Variants in LCP1 observed in about 807,000 individuals in gnomAD.
The protein encoded by LCP1 is lymphocyte cytosolic protein 1, also known as plastin-2.
A neutral mutation model predicts 72.0 loss-of-function variants in LCP1; 23 were observed. The observed-to-expected ratio is 0.32, with a 90% confidence interval of 0.23 to 0.45. LCP1 has a LOEUF of 0.45. Ranked by LOEUF, LCP1 falls within the 20% of genes least tolerant of loss-of-function variation. The pLI, the probability that LCP1 is intolerant of heterozygous loss-of-function variation, is 1.00. For synonymous variants in LCP1, 245 were observed against 275.4 expected (o/e 0.89, Z 1.09); for missense variants, 571 against 748.3 (o/e 0.76, Z 2.76).
chr13:46,133,186 T>C (rs1288719197), intron 14 of LCP1, among the ~76,000 whole-genome samples: 1 of 152,226 alleles, frequency 6.6e-6, no homozygotes, highest in Non-Finnish European at 1.5e-5. Context: ...GTCACCATTA[T>C]AATATTAATC....
At chr13:46,142,747 T>G in intron 12 of LCP1, 1 of 484,868 alleles carries the variant, frequency 2.1e-6, no homozygotes, top group Non-Finnish European at 4.1e-6. Context: ...CTAAAAAAGG[T>G]GAATTCATGG....
At chr13:46,134,330 T>C in intron 13 of LCP1, 80 bp from the exon 14 acceptor site, 1 of 1,431,556 alleles carries the variant, frequency 7.0e-7, no homozygotes, top group Non-Finnish European at 9.6e-7. Context: ...AGGATGGAAT[T>C]TTTTTTTCGG....
chr13:46,126,721 T>A lies in LCP1; in HGVS notation c.*870A>T. ...GAGAGGCAGAACCCTAAAGGATGCT[T>A]AGTTATAGCTCCATGCTGCCGCCGA... On this transcript the variant is annotated 3_prime_UTR_variant, in exon 16 of 16. Coordinates refer to ENST00000323076, the MANE Select transcript of LCP1 (RefSeq NM_002298.5). The A allele has an allele frequency of 4.3e-6, 1 of 231,230 alleles. No homozygotes were observed. Among genetic ancestry groups the A allele is most frequent in the Non-Finnish European group, 8.6e-6 (1 of 116,844 alleles). 14.3% of individuals were successfully genotyped at this position (231,230 alleles called of 1,614,324 possible). A position where few individuals can be genotyped will look rare whatever the true frequency, so the allele number is the denominator to read the frequency against.
At chr13:46,130,969 A>C in intron 14 of LCP1, 31 bp from the exon 15 acceptor site, 2 of 1,555,070 alleles carry the variant, frequency 1.3e-6, no homozygotes, top group Non-Finnish European at 8.6e-7. Flanking sequence ...GGTTTCATCA[A>C]CGTGTCCCAA....
chr13:46,142,243 T>C (rs975780824), intron 13 of LCP1, 49 bp downstream of exon 13: 2 of 1,576,278 alleles, frequency 1.3e-6, no homozygotes, highest in Middle Eastern at 1.7e-4. Flanking sequence ...AATATTTGTC[T>C]AAGTAAATAA....
rs190611807 is a variant in LCP1 at position 46,144,173 on chromosome 13, G to A, written c.1253+269C>T. On this transcript the variant is annotated intron_variant, in intron 11 of 15. Transcript: ENST00000323076. The stretch of plus-strand genomic sequence containing the variant: ...TCTGTTGTTTTGCCTGCTTGTGAGC[G>A]GGTTATATGTAAGATCACTTATGAC... 6.0e-4 allele frequency among the ~76,000 whole-genome samples: 92 copies of A among 152,266 alleles called. 1 individual carries two copies. The highest frequency in any genetic ancestry group is 2.0e-3 in the African/African-American group (82 of 41,552).
intron 15 of LCP1, among the ~76,000 whole-genome samples, chr13:46,128,168 G>A (rs944972115): frequency 6.6e-5 from 10 of 152,110 alleles, no homozygotes; most frequent in Non-Finnish European, 8.8e-5. Context: ...CACACCAGGA[G>A]TATTCTCTTG....
chr13:46,141,423 A>AG (rs1438038763), intron 13 of LCP1, among the ~76,000 whole-genome samples: 1 of 150,726 alleles, frequency 6.6e-6, no homozygotes, highest in Non-Finnish European at 1.5e-5. Flanking sequence ...AAAAAAAAAA[A>AG]AAAGAAACAA....
chr13:46,179,401 T>C (rs2045946311), intron 1 of LCP1, among the ~76,000 whole-genome samples: 1 of 152,210 alleles, frequency 6.6e-6, no homozygotes, highest in Non-Finnish European at 1.5e-5. Context: ...AAATTTTCAA[T>C]TCAATAAATG....
At chr13:46,162,876 C>T (rs1006649680) in intron 1 of LCP1, among the ~76,000 whole-genome samples, 6 of 150,318 alleles carry the variant, frequency 4.0e-5, no homozygotes, top group African/African-American at 1.5e-4. Context: ...CACGGCTGCC[C>T]CGTCTGAGAA....
At chr13:46,160,063 A>T (rs2045828718) in intron 1 of LCP1, among the ~76,000 whole-genome samples, 1 of 152,178 alleles carries the variant, frequency 6.6e-6, no homozygotes, top group African/African-American at 2.4e-5. Flanking sequence ...CATTCTTAGG[A>T]TGCTCCCTCT....
Position 46,143,398 on chromosome 13 carries a change from T to C in LCP1, c.1260A>G (p.Leu420=). The C allele has an allele frequency of 4.4e-6, 7 of 1,609,038 alleles. No homozygotes were observed. The highest frequency in any genetic ancestry group is 6.0e-6 in the Non-Finnish European group (7 of 1,175,446). Residue 420 remains leucine (L), a synonymous_variant, in exon 12 of 16, where the codon TTA becomes TTG. Transcript: ENST00000323076. ...GCTGGAAGATGACCAGGGCATCTGA[T>C]AAGTCACTGAACAAAACAAACACAA... The part of the protein sequence containing the change: ...NPRVNHLYSD[L]SDALVIFQLY...
chr13:46,146,898 T>G lies in LCP1; in HGVS notation c.1174+10A>C. ...CCTTTCCCCATCTTAGGCAAATCGT[T>G]TACAGTTACCTTCAAGAGCCCCCCA... On this transcript the variant is annotated intron_variant, in intron 10 of 15. Coordinates refer to ENST00000323076, the MANE Select transcript of LCP1 (RefSeq NM_002298.5). 16 of 1,614,046 alleles carry G rather than the reference T, an allele frequency of 9.9e-6. No individual in the cohort carries two copies. Among genetic ancestry groups the G allele is most frequent in the Non-Finnish European group, 1.2e-5 (14 of 1,179,932 alleles).
chr13:46,169,272 C>T (rs554223833), intron 1 of LCP1, among the ~76,000 whole-genome samples: 10 of 152,306 alleles, frequency 6.6e-5, no homozygotes, highest in Admixed American at 6.5e-4. Flanking sequence ...AATATAATTT[C>T]ATGTATGTTT....
At chr13:46,162,192 CTGTTAGACA>C (rs1296544308) in intron 1 of LCP1, among the ~76,000 whole-genome samples, 1 of 151,932 alleles carries the variant, frequency 6.6e-6, no homozygotes, top group Admixed American at 6.6e-5. Flanking sequence ...CTTCATGTTC[CTGTTAGACA>C]CACATCCCAT....
At chr13:46,128,452 G>A (rs575623818) in intron 15 of LCP1, among the ~76,000 whole-genome samples, 2 of 152,076 alleles carry the variant, frequency 1.3e-5, no homozygotes, top group Non-Finnish European at 2.9e-5. Flanking sequence ...CAAAAAATTA[G>A]CCAGGCGTGG....
In LCP1 at chr13:46,127,242, T is replaced by C; in HGVS notation, c.*349A>G. The C allele has an allele frequency of 3.9e-6, 1 of 254,624 alleles. No individual in the cohort carries two copies. The highest frequency in any genetic ancestry group is 7.6e-6 in the Non-Finnish European group (1 of 131,870). 15.8% of individuals were successfully genotyped at this position (254,624 alleles called of 1,614,324 possible). A position where few individuals can be genotyped will look rare whatever the true frequency, so the allele number is the denominator to read the frequency against. ...AAAGAAAAGGGAAGCCACATGAAGC[T>C]GGTTTGAAAGATTATATCAAAATTA... On this transcript the variant is annotated 3_prime_UTR_variant, in exon 16 of 16. Coordinates refer to ENST00000323076, the MANE Select transcript of LCP1 (RefSeq NM_002298.5).
chr13:46,135,132 A>G (rs1254111683), intron 13 of LCP1, among the ~76,000 whole-genome samples: 5 of 151,680 alleles, frequency 3.3e-5, no homozygotes, highest in African/African-American at 1.2e-4. Context: ...AAGAAAAAAA[A>G]AAAACCCACA....
chr13:46,152,614 A>C (rs1413701898), intron 7 of LCP1, among the ~76,000 whole-genome samples, 166 bp downstream of exon 7: 1 of 152,250 alleles, frequency 6.6e-6, no homozygotes, highest in East Asian at 1.9e-4. Flanking sequence ...TATCATTAAA[A>C]AACGTCTGGT....
Sources: allele counts gnomAD v4.1 joint callset (sites outside exome capture counted in the v4.1 genomes callset), GRCh38; gene constraint gnomAD v4.1.1; transcripts MANE v1.5; gene names NCBI Gene and HGNC (gene_info 2026-07-23, HGNC 2026-07-21).